Variants in SPECC1 observed in about 807,000 individuals in gnomAD.
SPECC1 encodes the protein cytospin-B.
A neutral mutation model predicts 104.1 loss-of-function variants in SPECC1; 62 were observed. That is an observed-to-expected ratio of 0.60 (90% confidence interval 0.49 to 0.74). SPECC1 has a LOEUF of 0.74. Ranked by LOEUF, SPECC1 falls within the 30% of genes least tolerant of loss-of-function variation. The probability of loss-of-function intolerance (pLI) is 0.00; values close to 1 mark genes in which losing one functional copy is unlikely to be tolerated. For synonymous variants in SPECC1, 513 were observed against 501.6 expected, an observed-to-expected ratio of 1.02 and a Z score of -0.30; for missense variants, 1,306 against 1,310.5, an observed-to-expected ratio of 1.00 and a Z score of 0.05.
intron 3 of SPECC1, among the ~76,000 whole-genome samples, chr17:20,169,957 A>G (rs182238088): frequency 1.1e-3 from 171 of 152,340 alleles, no homozygotes; most frequent in African/African-American, 3.9e-3. Flanking sequence ...AAACCAGCCT[A>G]TGTAGTATCA....
chr17:20,199,275 C>T (rs935409759), intron 3 of SPECC1, among the ~76,000 whole-genome samples: 7 of 150,840 alleles, frequency 4.6e-5, no homozygotes, highest in Admixed American at 6.6e-5. Context: ...TTAGTAGAGA[C>T]AGGGTTTTGC....
intron 1 of SPECC1, among the ~76,000 whole-genome samples, chr17:20,059,848 C>T (rs1235183220): frequency 6.6e-6 from 1 of 152,114 alleles, no homozygotes; most frequent in Non-Finnish European, 1.5e-5. Flanking sequence ...TGTGACAGAG[C>T]AAGGGCCTGT....
chr17:20,176,132 T>G (rs944431075), intron 3 of SPECC1, among the ~76,000 whole-genome samples: 2 of 152,254 alleles, frequency 1.3e-5, no homozygotes, highest in African/African-American at 2.4e-5. Flanking sequence ...CAGGCTAGTT[T>G]CTTGCTTGCT....
intron 1 of SPECC1, among the ~76,000 whole-genome samples, chr17:20,029,482 T>A (rs1660420345): frequency 6.6e-6 from 1 of 152,146 alleles, no homozygotes; most frequent in African/African-American, 2.4e-5. Flanking sequence ...TTTGGAGGAG[T>A]TTGTGAAGAA....
chr17:20,065,600 T>G (rs2046331296), intron 1 of SPECC1, among the ~76,000 whole-genome samples: 3 of 152,244 alleles, frequency 2.0e-5, no homozygotes, highest in South Asian at 4.1e-4. Flanking sequence ...GTCCAGACGC[T>G]CTCTGAACTG....
chr17:20,124,558 TAGAG>T (rs2049189351), intron 3 of SPECC1, among the ~76,000 whole-genome samples: 1 of 152,170 alleles, frequency 6.6e-6, no homozygotes, highest in African/African-American at 2.4e-5. Flanking sequence ...TTCATAATTT[TAGAG>T]AGGTCATTTA....
chr17:20,042,732 G>C (rs1180754947), intron 1 of SPECC1, among the ~76,000 whole-genome samples: 1 of 152,072 alleles, frequency 6.6e-6, no homozygotes, highest in Non-Finnish European at 1.5e-5. Flanking sequence ...GGCTTTTCTT[G>C]GGGCTTTTCA....
chr17:20,010,740 T>A (rs775482351), intron 1 of SPECC1, among the ~76,000 whole-genome samples: 6 of 152,246 alleles, frequency 3.9e-5, no homozygotes, highest in Non-Finnish European at 7.3e-5. Flanking sequence ...CTCGCTGCAG[T>A]GTTGACTATT....
chr17:20,121,164 C>T (rs1201236106), intron 3 of SPECC1, among the ~76,000 whole-genome samples: 4 of 152,152 alleles, frequency 2.6e-5, no homozygotes, highest in African/African-American at 7.2e-5. Context: ...TGTCTCTATT[C>T]ATGCTCACAA....
At chr17:20,182,905 C>T (rs776206971) in intron 3 of SPECC1, among the ~76,000 whole-genome samples, 25 of 152,094 alleles carry the variant, frequency 1.6e-4, no homozygotes, top group Non-Finnish European at 2.8e-4. Flanking sequence ...TGTTCTGGAA[C>T]CACCAAGTGC....
chr17:20,153,940 A>G (rs2152569046), intron 3 of SPECC1, among the ~76,000 whole-genome samples: 1 of 152,244 alleles, frequency 6.6e-6, no homozygotes, highest in East Asian at 1.9e-4. Context: ...GTTTCCTGCT[A>G]TTTATTTTCC....
At chr17:20,173,837 C>A (rs557930914) in intron 3 of SPECC1, among the ~76,000 whole-genome samples, 3 of 151,970 alleles carry the variant, frequency 2.0e-5, no homozygotes, top group East Asian at 1.9e-4. Flanking sequence ...TCTCCACTTG[C>A]TGCAGTTTCT....
At chr17:20,239,046 TAGG>T (rs1364869751) in intron 7 of SPECC1, 3 of 1,032,770 alleles carry the variant, frequency 2.9e-6, no homozygotes, top group East Asian at 6.1e-5. Flanking sequence ...AAGTTGTAAA[TAGG>T]AGGTTGACAT....
intron 3 of SPECC1, among the ~76,000 whole-genome samples, chr17:20,183,654 T>C (rs183526798): frequency 1.3e-5 from 2 of 152,312 alleles, no homozygotes; most frequent in East Asian, 3.9e-4. Flanking sequence ...TTAAATGATG[T>C]CCAGATTACT....
chr17:20,226,788 C>T (rs1456837311), intron 4 of SPECC1, among the ~76,000 whole-genome samples: 1 of 152,146 alleles, frequency 6.6e-6, no homozygotes, highest in Non-Finnish European at 1.5e-5. Context: ...CACATTTTTG[C>T]TGTGATAGAG....
chr17:20,299,719 C>G (rs772976401), intron 13 of SPECC1, among the ~76,000 whole-genome samples: 1 of 152,034 alleles, frequency 6.6e-6, no homozygotes, highest in Non-Finnish European at 1.5e-5. Context: ...CTGTGGGGTG[C>G]TTTGTTTGTG....
rs748689632 is a variant in SPECC1 at position 20,240,060 on chromosome 17, ATTTTTTTTTTTTTTT to A, written c.2352-5848_2352-5834del. On this transcript the variant is annotated intron_variant, in intron 7 of 14. Transcript: ENST00000395527. ...AGGGGCACACCACCATGTCCAGCTA[ATTTTTTTTTTTTTTT>A]TTTTTTTTTTTTTTTTTGGTAGACA... Among the ~76,000 whole-genome samples the A allele has an allele frequency of 4.7e-3, 151 of 32,202 alleles. 2 individuals are homozygous for A. Among genetic ancestry groups the A allele is most frequent in the African/African-American group, 0.02 (133 of 6,704 alleles). 21.1% of individuals were successfully genotyped at this position (32,202 alleles called of 152,430 possible).
intron 4 of SPECC1, among the ~76,000 whole-genome samples, chr17:20,220,338 T>TTGAC (rs2037796164): frequency 6.6e-6 from 1 of 152,168 alleles, no homozygotes; most frequent in Non-Finnish European, 1.5e-5. Context: ...GTGTGTTTTC[T>TTGAC]TCCATTTCTG....
intron 9 of SPECC1, among the ~76,000 whole-genome samples, chr17:20,250,480 A>T (rs1221178623): frequency 6.6e-6 from 1 of 152,274 alleles, no homozygotes; most frequent in East Asian, 1.9e-4. Context: ...ATTATATATT[A>T]CTACTTTGTG....
Sources: allele counts gnomAD v4.1 joint callset (sites outside exome capture counted in the v4.1 genomes callset), GRCh38; gene constraint gnomAD v4.1.1; transcripts MANE v1.5; gene names NCBI Gene and HGNC (gene_info 2026-07-23, HGNC 2026-07-21).